The following RFX6 variants were observed in gnomAD, a reference collection of about 807,000 sequenced individuals.
The protein encoded by RFX6 is DNA-binding protein RFX6.
In RFX6, 50 loss-of-function variants were observed where a neutral mutation model predicts 110.8. That is an observed-to-expected ratio of 0.45 (90% CI 0.36 to 0.57). The LOEUF (loss-of-function observed/expected upper bound fraction) is 0.57, where lower values mean the gene tolerates loss of function less well. RFX6 is among the 20% of genes least tolerant of loss of function. RFX6 has a pLI of 0.00. For synonymous variants in RFX6, 383 were observed against 411.2 expected (o/e 0.93, Z 0.83); for missense variants, 990 against 1,127.0 (o/e 0.88, Z 1.74).
chr6:116,927,796 G>A (rs10872150), intron 17 of RFX6, among the ~76,000 whole-genome samples: 1 of 140,764 alleles, frequency 7.1e-6, no homozygotes, highest in African/African-American at 2.7e-5. Flanking sequence ...CCAGGCTGGA[G>A]TGCTTGGCAG....
rs1415549195 is a variant in RFX6 at position 116,877,415 on chromosome 6, T to C, written c.140T>C (p.Leu47Pro). Residue 47 changes from leucine to proline, a missense_variant, in exon 1 of 19, where the codon CTG (leucine) becomes CCG (proline). Physicochemically the swap from Leu to Pro is moderately conservative, Grantham distance 98. Transcript: ENST00000332958. ...GTCTATCCGGAAGAAACAGTGTACC[T>C]GGCGGCCGAAGGGCAGCCCGGGGGC... is the stretch of plus-strand genomic sequence containing the variant. The part of the protein sequence containing the change: ...LLVYPEETVY[L>P]AAEGQPGGEQ... 6.2e-7 allele frequency: 1 copy of C among 1,602,136 alleles called. No individual in the cohort carries two copies. The highest frequency in any genetic ancestry group is 1.3e-5 in the African/African-American group (1 of 74,764).
Position 116,924,652 on chromosome 6 carries a change from C to A in RFX6, c.1556-17C>A. On this transcript the variant is annotated splice_polypyrimidine_tract_variant and intron_variant, in intron 14 of 18. Coordinates refer to ENST00000332958, the MANE Select transcript of RFX6 (RefSeq NM_173560.4). ...CATTTCACACTGTCCTCTCCTCATT[C>A]TCCATCCATAAACAAGGTTCTTTTC... 7 of 1,606,758 alleles carry A rather than the reference C, an allele frequency of 4.4e-6. No individual in the cohort carries two copies. The highest frequency in any genetic ancestry group is 6.0e-6 in the Non-Finnish European group (7 of 1,173,544).
At position 116,909,735 on chromosome 6, in the gene RFX6, C is replaced by CTTT. The variant is rs59264999; in HGVS notation, c.673-1173_673-1171dup. ...TTTTAAATATAAAGCTCATTTAAAT[C>CTTT]TTTTTTTTTTTTTTTTTTTTTTTTT... On this transcript the variant is annotated intron_variant, in intron 6 of 18. Transcript: ENST00000332958. Among the ~76,000 whole-genome samples the CTTT allele has an allele frequency of 1.2e-3, 78 of 67,390 alleles. 6 individuals are homozygous for CTTT. Among genetic ancestry groups the CTTT allele is most frequent in the East Asian group, 2.0e-3 (4 of 1,964 alleles). The allele number at this position is 67,390 out of a possible 152,430, so 44.2% of individuals were successfully genotyped here. A position where few individuals can be genotyped will look rare whatever the true frequency, so the allele number is the denominator to read the frequency against.
Position 116,890,379 on chromosome 6 carries a change from T to A in RFX6, c.567-3608T>A, listed in dbSNP as rs568322943. ...CATGACTCACTATCACCTGCTTCAA[T>A]GGTAGCAAATATTAATTTGGTATTA... On this transcript the variant is annotated intron_variant, in intron 4 of 18. Coordinates refer to ENST00000332958, the MANE Select transcript of RFX6 (RefSeq NM_173560.4). Among the ~76,000 whole-genome samples the A allele has an allele frequency of 2.6e-5, 4 of 152,290 alleles. No homozygotes were observed. The South Asian group carries it at 8.3e-4, about 32-fold the overall frequency.
Position 116,928,928 on chromosome 6 carries a change from C to T in RFX6, c.2568C>T (p.Tyr856=), listed in dbSNP as rs893039620. ...DSGRKQTSSF[Y]TDTSSPVACR... ...GTAGAAAACAGACCAGCTCGTTTTACACAGACACATCATCTCCAGTTGCAT... is the reference window on the plus strand; with the variant it reads ...GTAGAAAACAGACCAGCTCGTTTTATACAGACACATCATCTCCAGTTGCAT... The change falls in exon 18 of 19, where the codon TAC becomes TAT. Residue 856 remains tyrosine, a synonymous_variant. Transcript: ENST00000332958. 7 of 1,613,340 alleles carry T rather than the reference C, an allele frequency of 4.3e-6. No homozygotes were observed. The highest frequency in any genetic ancestry group is 5.9e-6 in the Non-Finnish European group (7 of 1,179,372).
intron 6 of RFX6, among the ~76,000 whole-genome samples, chr6:116,907,489 C>A (rs145139760): frequency 0.014 from 2,206 of 152,150 alleles, 48 homozygotes; most frequent in African/African-American, 0.051. Context: ...AACTCTGGGG[C>A]TTTTCTTTGA....
In RFX6 at chr6:116,918,828, A is replaced by G. The variant is rs1229987274; in HGVS notation, c.1023-309A>G. Among the ~76,000 whole-genome samples the G allele has an allele frequency of 3.3e-5, 5 of 152,198 alleles. No individual in the cohort carries two copies. The East Asian group carries it at 9.6e-4, about 29-fold the overall frequency. ...GATCAATAATGTCTTTTAATTATCA[A>G]TTGTAGTCTTTAAATATCTATTCTG... On this transcript the variant is annotated intron_variant, in intron 10 of 18. Coordinates refer to ENST00000332958, the MANE Select transcript of RFX6 (RefSeq NM_173560.4).
intron 4 of RFX6, among the ~76,000 whole-genome samples, chr6:116,883,148 TG>T (rs1018778760): frequency 1.3e-4 from 20 of 152,270 alleles, no homozygotes; most frequent in African/African-American, 4.8e-4. Flanking sequence ...TTTCCCCCTT[TG>T]AGCTGTTGCT....
chr6:116,895,721 C>T (rs1425388583), intron 6 of RFX6, among the ~76,000 whole-genome samples: 1 of 151,888 alleles, frequency 6.6e-6, no homozygotes, highest in African/African-American at 2.4e-5. Context: ...CCCCCTCCTT[C>T]AAGAACAGAC....
intron 11 of RFX6, 136 bp downstream of exon 11, chr6:116,919,432 A>C: frequency 2.6e-6 from 2 of 777,790 alleles, no homozygotes; most frequent in Non-Finnish European, 4.6e-6. Context: ...GAGACCCAGA[A>C]GTGAATGCTA....
At chr6:116,919,374 C>A (rs1775543821) in intron 11 of RFX6, 78 bp downstream of exon 11, 1 of 1,319,120 alleles carries the variant, frequency 7.6e-7, no homozygotes, top group Admixed American at 1.7e-5. Flanking sequence ...GATTGAGGAA[C>A]TTTCATAGAT....
intron 4 of RFX6, among the ~76,000 whole-genome samples, chr6:116,887,947 A>G (rs1187173237): frequency 2.0e-5 from 3 of 152,162 alleles, no homozygotes; most frequent in African/African-American, 7.2e-5. Flanking sequence ...ATTTTAAGTT[A>G]CATTTTAATT....
intron 7 of RFX6, among the ~76,000 whole-genome samples, chr6:116,915,736 G>A (rs1775447679): frequency 6.6e-6 from 1 of 151,602 alleles, no homozygotes; most frequent in African/African-American, 2.4e-5. Flanking sequence ...TATTTTAGTA[G>A]GCATAAAACT....
chr6:116,917,305 G>GA (rs1487832822), intron 9 of RFX6, among the ~76,000 whole-genome samples: 4 of 148,218 alleles, frequency 2.7e-5, no homozygotes, highest in East Asian at 2.0e-4. Context: ...AGTTCAAGTT[G>GA]AAAAAATTTC....
chr6:116,928,086 A>AG (rs1413516849), intron 17 of RFX6, among the ~76,000 whole-genome samples: 3 of 151,748 alleles, frequency 2.0e-5, no homozygotes, highest in Non-Finnish European at 4.4e-5. Context: ...ATGTTAAAAA[A>AG]AAAAAAAAGA....
At chr6:116,883,026 T>G (rs564290209) in intron 4 of RFX6, among the ~76,000 whole-genome samples, 1 of 152,238 alleles carries the variant, frequency 6.6e-6, no homozygotes, top group Admixed American at 6.5e-5. Flanking sequence ...CAACAGCTAT[T>G]TTCTATGCGT....
chr6:116,880,004 A>G (rs1774553224), intron 2 of RFX6, among the ~76,000 whole-genome samples: 1 of 152,080 alleles, frequency 6.6e-6, no homozygotes, highest in Non-Finnish European at 1.5e-5. Flanking sequence ...GTATAGGAAT[A>G]GAAATATATC....
In RFX6 at chr6:116,923,162, A is replaced by G; in HGVS notation, c.1493A>G (p.Lys498Arg). Residue 498 changes from lysine to arginine, a missense_variant, in exon 14 of 19, where the codon AAG becomes AGG. By Grantham distance (26) the Lys-to-Arg change is conservative (BLOSUM62 2). Coordinates refer to ENST00000332958, the MANE Select transcript of RFX6 (RefSeq NM_173560.4). ...LKKRAQDFLL[K>R]WSFFGARVMH... ...AAGAGAGCTCAAGACTTTCTGTTAA[A>G]GTGGAGTTTTTTTGGTGCTCGAGTA... The G allele has an allele frequency of 6.2e-7, 1 of 1,611,082 alleles. No individual in the cohort carries two copies. Among genetic ancestry groups the G allele is most frequent in the Non-Finnish European group, 8.5e-7 (1 of 1,177,312 alleles).
chr6:116,917,131 G>A (rs1775484367), intron 9 of RFX6, among the ~76,000 whole-genome samples: 1 of 152,054 alleles, frequency 6.6e-6, no homozygotes, highest in Non-Finnish European at 1.5e-5. Context: ...TAAAGCAAAA[G>A]CTATTTATAG....
Sources: gnomAD v4.1 joint callset for allele counts (sites outside exome capture counted in the v4.1 genomes callset) on GRCh38, gnomAD v4.1.1 for gene constraint, MANE v1.5 for transcripts, NCBI Gene and HGNC (gene_info 2026-07-23, HGNC 2026-07-21) for gene names.